ATAD1: variants seen among roughly 807,000 people sequenced by gnomAD.
ATAD1 encodes ATPase family AAA domain containing 1, also known as outer mitochondrial transmembrane helix translocase.
A neutral mutation model predicts 42.7 loss-of-function variants in ATAD1; 18 were observed. The observed-to-expected ratio is 0.42, with a 90% CI of 0.29 to 0.63. The LOEUF (loss-of-function observed/expected upper bound fraction) is 0.63, where lower values mean the gene tolerates loss of function less well. ATAD1 is among the 20% of genes least tolerant of loss of function. The probability of loss-of-function intolerance (pLI) is 0.19; values close to 1 mark genes in which losing one functional copy is unlikely to be tolerated. For missense variants in ATAD1, 294 were observed against 440.4 expected, an observed-to-expected ratio of 0.67 and a Z score of 2.98; for synonymous variants, 132 against 143.1, an observed-to-expected ratio of 0.92 and a Z score of 0.55.
Position 87,754,616 on chromosome 10 carries a change from G to A in ATAD1, c.*71C>T, listed in dbSNP as rs535290274. 62 of 1,496,210 alleles carry A rather than the reference G, an allele frequency of 4.1e-5. No homozygotes were observed. In the South Asian group the frequency reaches 6.4e-4, roughly 15 times the overall value. The allele number at this position is 1,496,210 out of a possible 1,614,324, so 92.7% of individuals were successfully genotyped here. A position where few individuals can be genotyped will look rare whatever the true frequency, so the allele number is the denominator to read the frequency against. Reference sequence around the variant, plus strand: ...TCATTGTTTAAAGAGCACTCTTTCCGTTCTATTTCCACTAACTGATAAGAG... The same window carrying A: ...TCATTGTTTAAAGAGCACTCTTTCCATTCTATTTCCACTAACTGATAAGAG... On this transcript the variant is annotated 3_prime_UTR_variant, in exon 10 of 10. Coordinates refer to ENST00000680024, the MANE Select transcript of ATAD1 (RefSeq NM_001321967.2).
Position 87,765,321 on chromosome 10 carries a change from T to C in ATAD1, c.831+2352A>G, listed in dbSNP as rs1854687832. On this transcript the variant is annotated intron_variant, in intron 8 of 9. Coordinates refer to ENST00000680024, the MANE Select transcript of ATAD1 (RefSeq NM_001321967.2). ...AGTGAGTTGTAACAGTGAGTTTAGA[T>C]ATCAAGTTTGGGATAAAGAGGAATA... is the stretch of plus-strand genomic sequence containing the variant. 3.3e-5 allele frequency among the ~76,000 whole-genome samples: 5 copies of C among 152,200 alleles called. No homozygotes were observed. In the South Asian group the frequency reaches 8.3e-4, roughly 25 times the overall value.
chr10:87,752,397 CAA>C lies in ATAD1; in HGVS notation c.*2288_*2289del, dbSNP rs1854053003. On this transcript the variant is annotated 3_prime_UTR_variant, in exon 10 of 10. Transcript: ENST00000680024. ...AATGTACATCAGTGTGCAAAAGTGA[CAA>C]TATTAATACGACAGCTAACATTTGA... The C allele has an allele frequency of 6.6e-6, 1 of 152,142 alleles. No individual in the cohort carries two copies. Among genetic ancestry groups the C allele is most frequent in the Non-Finnish European group, 1.5e-5 (1 of 68,034 alleles). The allele number at this position is 152,142 out of a possible 1,614,324, so 9.4% of individuals were successfully genotyped here. A position where few individuals can be genotyped will look rare whatever the true frequency, so the allele number is the denominator to read the frequency against.
At chr10:87,798,735 T>C (rs892409124) in intron 2 of ATAD1, among the ~76,000 whole-genome samples, 4 of 151,928 alleles carry the variant, frequency 2.6e-5, no homozygotes, top group Admixed American at 6.6e-5. Context: ...CTTAGCACAC[T>C]AGACGTTTTC....
intron 5 of ATAD1, among the ~76,000 whole-genome samples, chr10:87,777,311 T>C (rs1288906770): frequency 6.6e-6 from 1 of 152,202 alleles, no homozygotes; most frequent in Non-Finnish European, 1.5e-5. Context: ...AGCAAAACAC[T>C]ATTAAGCCGA....
intron 2 of ATAD1, among the ~76,000 whole-genome samples, chr10:87,811,271 T>C (rs555613177): frequency 6.6e-6 from 1 of 152,028 alleles, no homozygotes; most frequent in South Asian, 2.1e-4. Flanking sequence ...AGAAGCAGGG[T>C]ACAGCGAGCT....
At position 87,784,616 on chromosome 10, in the gene ATAD1, G is replaced by C; in HGVS notation, c.437C>G (p.Thr146Arg). The C allele has an allele frequency of 6.2e-7, 1 of 1,613,232 alleles. No individual in the cohort carries two copies. The highest frequency in any genetic ancestry group is 2.2e-5 in the East Asian group (1 of 44,868). Residue 146 changes from threonine to arginine, a missense_variant, in exon 5 of 10, where the codon ACA (threonine) becomes AGA (arginine). Around this residue, in one of 3 missense-constraint regions of ATAD1, gnomAD observed 121 missense variants for 187.3 expected, o/e 0.65. Coordinates refer to ENST00000680024, the MANE Select transcript of ATAD1 (RefSeq NM_001321967.2). ...GCGKTLIAKA[T>R]AKEAGCRFIN... ...AAATCGACAGCCTGCTTCTTTGGCTGTGGCCTTGGCAATCAACGTTTTACC... is the reference window on the plus strand; with the variant it reads ...AAATCGACAGCCTGCTTCTTTGGCTCTGGCCTTGGCAATCAACGTTTTACC...
chr10:87,787,947 A>C (rs1348644621), intron 4 of ATAD1, among the ~76,000 whole-genome samples: 1 of 152,240 alleles, frequency 6.6e-6, no homozygotes, highest in East Asian at 1.9e-4. Context: ...ATACCAAAAT[A>C]ACAATACAGA....
In ATAD1 at chr10:87,751,779, C is replaced by CTA. The variant is rs1027329204; in HGVS notation, c.*2906_*2907dup. The stretch of plus-strand genomic sequence containing the variant: ...TTGGTGCTGGAGTTTCAGCCATGCA[C>CTA]TATATATATTCAGCATATCAGAATT... On this transcript the variant is annotated 3_prime_UTR_variant, in exon 10 of 10. Coordinates refer to ENST00000680024, the MANE Select transcript of ATAD1 (RefSeq NM_001321967.2). The CTA allele has an allele frequency of 1.3e-5, 2 of 152,114 alleles. No individual in the cohort carries two copies. The highest frequency in any genetic ancestry group is 4.8e-5 in the African/African-American group (2 of 41,418). The allele number at this position is 152,114 out of a possible 1,614,324, so 9.4% of individuals were successfully genotyped here.
Position 87,751,702 on chromosome 10 carries a change from T to C in ATAD1, c.*2985A>G, listed in dbSNP as rs1018460845. On this transcript the variant is annotated 3_prime_UTR_variant, in exon 10 of 10. Transcript: ENST00000680024. ...ATTTAATAATGAAGGCTCTGAAAGA[T>C]TTCTGTCAGCTCTAGATGGAATTAT... The C allele has an allele frequency of 1.3e-5, 2 of 152,194 alleles. No individual in the cohort carries two copies. The allele number at this position is 152,194 out of a possible 1,614,324, so 9.4% of individuals were successfully genotyped here. A position where few individuals can be genotyped will look rare whatever the true frequency, so the allele number is the denominator to read the frequency against.
intron 4 of ATAD1, among the ~76,000 whole-genome samples, chr10:87,785,610 G>C (rs908365895): frequency 1.3e-5 from 2 of 150,320 alleles, no homozygotes; most frequent in African/African-American, 4.9e-5. Flanking sequence ...TAGATGGCAT[G>C]CTAGGGTGAA....
At chr10:87,757,274 CA>C (rs59618486) in intron 8 of ATAD1, among the ~76,000 whole-genome samples, 9,885 of 122,480 alleles carry the variant, frequency 0.081, 867 homozygotes, top group East Asian at 0.43. Context: ...GAGTCCATTA[CA>C]AAAAAAAAAA....
At position 87,754,791 on chromosome 10, in the gene ATAD1, T is replaced by A; in HGVS notation, c.982A>T (p.Ile328Phe). 6.2e-7 allele frequency: 1 copy of A among 1,613,216 alleles called. No individual in the cohort carries two copies. The highest frequency in any genetic ancestry group is 2.2e-5 in the East Asian group (1 of 44,816). Residue 328 changes from isoleucine to phenylalanine, a missense_variant, in exon 10 of 10, where the codon ATT becomes TTT. Ile to Phe is a conservative substitution (Grantham distance 21, BLOSUM62 0). Transcript: ENST00000680024. ...AGGTCCTGCTGTTGAACAGGCCGAATTTCATCTTCGTCATGGCTAAAATGC... is the reference window on the plus strand; with the variant it reads ...AGGTCCTGCTGTTGAACAGGCCGAAATTCATCTTCGTCATGGCTAAAATGC... ...TSEESHDEDEIRPVQQQDLHR... is the reference protein window; with the variant it reads ...TSEESHDEDEFRPVQQQDLHR...
chr10:87,796,069 A>G (rs1159436068), intron 2 of ATAD1, among the ~76,000 whole-genome samples: 1 of 152,222 alleles, frequency 6.6e-6, no homozygotes, highest in Non-Finnish European at 1.5e-5. Context: ...GTATCTTTAT[A>G]TAATAGATAT....
rs1854120134 is a variant in ATAD1, at chr10:87,754,125, A to C, written c.*562T>G. 1 of 152,670 alleles carries C rather than the reference A, an allele frequency of 6.6e-6. No homozygotes were observed. Among genetic ancestry groups the C allele is most frequent in the Non-Finnish European group, 1.5e-5 (1 of 68,038 alleles). 9.5% of individuals were successfully genotyped at this position (152,670 alleles called of 1,614,324 possible). A position where few individuals can be genotyped will look rare whatever the true frequency, so the allele number is the denominator to read the frequency against. ...AACTTAAAAAAGGTTGAAACAAATG[A>C]CAAATGGAAATGGCTGAATCACTGT... On this transcript the variant is annotated 3_prime_UTR_variant, in exon 10 of 10. Transcript: ENST00000680024.
rs1348900915 is a variant in ATAD1, at chr10:87,757,040, ATAGTTTC to A, written c.832-125_832-119del. The A allele has an allele frequency of 3.8e-6, 3 of 793,042 alleles. No individual in the cohort carries two copies. In the African/African-American group the frequency reaches 5.4e-5, roughly 14 times the overall value. 49.1% of individuals were successfully genotyped at this position (793,042 alleles called of 1,614,324 possible). A position where few individuals can be genotyped will look rare whatever the true frequency, so the allele number is the denominator to read the frequency against. ...TTATAACTGCATGGGAGGAGAAACAATAGTTTCTAGAAGCTTTTTTTAACCACAAAAG... is the reference window on the plus strand; with the variant it reads ...TTATAACTGCATGGGAGGAGAAACAATAGAAGCTTTTTTTAACCACAAAAG... On this transcript the variant is annotated intron_variant, in intron 8 of 9. Transcript: ENST00000680024.
chr10:87,781,370 T>C (rs1407245559), intron 5 of ATAD1, among the ~76,000 whole-genome samples: 1 of 151,986 alleles, frequency 6.6e-6, no homozygotes, highest in Non-Finnish European at 1.5e-5. Context: ...TCAAATATAA[T>C]CAACAAAAAA....
intron 4 of ATAD1, among the ~76,000 whole-genome samples, chr10:87,786,946 C>A (rs570347384): frequency 1.6e-4 from 24 of 151,356 alleles, no homozygotes; most frequent in Non-Finnish European, 3.2e-4. Flanking sequence ...CAGGGCGAGA[C>A]TCCGTCTCAA....
intron 4 of ATAD1, among the ~76,000 whole-genome samples, chr10:87,784,948 T>C (rs1280967889): frequency 2.0e-5 from 3 of 152,168 alleles, no homozygotes; most frequent in Non-Finnish European, 4.4e-5. Flanking sequence ...TCCAAATTCA[T>C]ACCACTTTAT....
At position 87,752,321 on chromosome 10, in the gene ATAD1, G is replaced by A. The variant is rs1412062915; in HGVS notation, c.*2366C>T. The A allele has an allele frequency of 3.3e-5, 5 of 152,150 alleles. No homozygotes were observed. The highest frequency in any genetic ancestry group is 2.1e-4 in the South Asian group (1 of 4,816). 9.4% of individuals were successfully genotyped at this position (152,150 alleles called of 1,614,324 possible). On this transcript the variant is annotated 3_prime_UTR_variant, in exon 10 of 10. Coordinates refer to ENST00000680024, the MANE Select transcript of ATAD1 (RefSeq NM_001321967.2). ...CTGGAGTACAGGCCTAGGGATTATGGAACTGGTTTAAGCATGGAGAATGCT... is the reference window on the plus strand; with the variant it reads ...CTGGAGTACAGGCCTAGGGATTATGAAACTGGTTTAAGCATGGAGAATGCT...
Sources: allele counts gnomAD v4.1 joint callset (sites outside exome capture counted in the v4.1 genomes callset), GRCh38; gene constraint gnomAD v4.1.1; regional missense constraint gnomAD v4.1.1; transcripts MANE v1.5; gene names NCBI Gene and HGNC (gene_info 2026-07-23, HGNC 2026-07-21).